Variants in STARD13 observed in about 807,000 individuals in gnomAD.
STARD13 encodes the protein stAR-related lipid transfer protein 13.
Under a neutral mutation model 106.4 loss-of-function variants are expected in STARD13, and 62 were observed. That is an observed-to-expected ratio of 0.58 (90% CI 0.48 to 0.72). The LOEUF is 0.72. STARD13 is among the 30% of genes least tolerant of loss of function. The pLI is 0.00. For missense variants in STARD13, 1,387 were observed against 1,424.0 expected, an observed-to-expected ratio of 0.97 and a Z score of 0.42; for synonymous variants, 565 against 553.0, an observed-to-expected ratio of 1.02 and a Z score of -0.31.
the STARD13 span, among the ~76,000 whole-genome samples, chr13:33,485,896 G>A: frequency 6.6e-6 from 1 of 152,130 alleles, no homozygotes; most frequent in Admixed American, 6.5e-5. Flanking sequence ...GAATTAGACT[G>A]GGCTAAAATA....
chr13:33,235,098 C>T (rs1277104085), intron 1 of STARD13, among the ~76,000 whole-genome samples: 1 of 152,144 alleles, frequency 6.6e-6, no homozygotes, highest in Non-Finnish European at 1.5e-5. Flanking sequence ...TGCTTGAGTC[C>T]CCAGTTCCCC....
intron 1 of STARD13, among the ~76,000 whole-genome samples, chr13:33,203,428 G>A (rs554974588): frequency 6.6e-6 from 1 of 152,306 alleles, no homozygotes; most frequent in Non-Finnish European, 1.5e-5. Flanking sequence ...ATGCATATAT[G>A]AAGATTAGCA....
At chr13:33,500,927 G>A in the STARD13 span, among the ~76,000 whole-genome samples, 1 of 151,356 alleles carries the variant, frequency 6.6e-6, no homozygotes, top group African/African-American at 2.4e-5. Context: ...CTCAAATAAT[G>A]CTTCAGTATG....
the STARD13 span, among the ~76,000 whole-genome samples, chr13:33,420,385 A>G: frequency 6.6e-6 from 1 of 152,236 alleles, no homozygotes; most frequent in Non-Finnish European, 1.5e-5. Context: ...TAAAAGATCA[A>G]TTCAACAAGA....
At chr13:33,501,024 A>G in the STARD13 span, among the ~76,000 whole-genome samples, 2 of 149,088 alleles carry the variant, frequency 1.3e-5, no homozygotes, top group South Asian at 2.1e-4. Context: ...AAAAAAACCT[A>G]AAAAAATAAC....
the STARD13 span, among the ~76,000 whole-genome samples, chr13:33,560,030 G>C: frequency 6.6e-6 from 1 of 151,512 alleles, no homozygotes; most frequent in Non-Finnish European, 1.5e-5. Context: ...AAGCCATCTA[G>C]TCTGTGGTAT....
At chr13:33,591,728 T>C in the STARD13 span, among the ~76,000 whole-genome samples, 4 of 152,292 alleles carry the variant, frequency 2.6e-5, no homozygotes, top group African/African-American at 9.6e-5. Flanking sequence ...GCAGCTAGGC[T>C]TTACACACGA....
chr13:33,481,160 T>C, the STARD13 span, among the ~76,000 whole-genome samples: 3 of 152,136 alleles, frequency 2.0e-5, no homozygotes, highest in African/African-American at 7.2e-5. Context: ...GCATGAATCC[T>C]TCCTTTCCAA....
chr13:33,327,391 A>G (rs1159050850), intron 1 of STARD13, among the ~76,000 whole-genome samples: 3 of 152,118 alleles, frequency 2.0e-5, no homozygotes, highest in African/African-American at 7.2e-5. Flanking sequence ...AAATTTTTAG[A>G]GACAGGGACT....
At chr13:33,558,088 G>T in the STARD13 span, among the ~76,000 whole-genome samples, 11 of 152,138 alleles carry the variant, frequency 7.2e-5, no homozygotes, top group Non-Finnish European at 1.3e-4. Flanking sequence ...TTGTAATAAA[G>T]GTGGAAATAC....
chr13:33,401,417 C>T, the STARD13 span, among the ~76,000 whole-genome samples: 1 of 152,158 alleles, frequency 6.6e-6, no homozygotes, highest in Non-Finnish European at 1.5e-5. Flanking sequence ...AAAATTGGGG[C>T]AGAGAGCCAA....
chr13:33,320,790 G>A (rs1212938575), intron 1 of STARD13, among the ~76,000 whole-genome samples: 4 of 152,122 alleles, frequency 2.6e-5, no homozygotes, highest in African/African-American at 9.7e-5. Flanking sequence ...GGGCAACACA[G>A]GGAGACCCCA....
At chr13:33,655,782 T>A in the STARD13 span, among the ~76,000 whole-genome samples, 1 of 152,194 alleles carries the variant, frequency 6.6e-6, no homozygotes, top group Non-Finnish European at 1.5e-5. Flanking sequence ...AAGTTTTATA[T>A]GAGCACAGGA....
the STARD13 span, among the ~76,000 whole-genome samples, chr13:33,577,656 T>A: frequency 1.3e-4 from 20 of 152,246 alleles, no homozygotes; most frequent in East Asian, 3.9e-3. Context: ...ATGCTGGACA[T>A]CTGCATGCAA....
rs752428531 is a variant in STARD13 at position 33,130,219 on chromosome 13, C to T, written c.458G>A (p.Trp153Ter). 1.1e-5 allele frequency: 17 copies of T among 1,610,850 alleles called. No individual in the cohort carries two copies. The highest frequency in any genetic ancestry group is 1.4e-5 in the Non-Finnish European group (17 of 1,179,932). ...KWTFQRTSRR[W>*]SRVDDLYTLL... ...CGTGTAGAGGTCGTCCACACGAGAC[C>T]ACCTGCGACTGGTTCTTTGGAAAGT... Residue 153 changes from tryptophan to a stop codon, truncating the protein, a stop_gained, in exon 5 of 14, where the codon TGG (tryptophan) becomes TAG (stop). Coordinates refer to ENST00000336934, the MANE Select transcript of STARD13 (RefSeq NM_178006.4). LOFTEE classifies it high-confidence loss of function. This position sits in a 1 kb window ranked among gnomAD's most constrained non-coding sequence, Gnocchi z 4.1.
intron 1 of STARD13, among the ~76,000 whole-genome samples, chr13:33,221,069 C>T (rs1391736304): frequency 6.6e-6 from 1 of 151,982 alleles, no homozygotes; most frequent in African/African-American, 2.4e-5. Flanking sequence ...TGAAAACACT[C>T]GTCATCAACT....
chr13:33,111,704 G>T, intron 10 of STARD13, 74 bp downstream of exon 10: 1 of 883,230 alleles, frequency 1.1e-6, no homozygotes, highest in Non-Finnish European at 1.9e-6. Flanking sequence ...AACCATAAAT[G>T]TAGCAACAAT....
the STARD13 span, among the ~76,000 whole-genome samples, chr13:33,616,718 C>G: frequency 6.6e-6 from 1 of 152,160 alleles, no homozygotes; most frequent in African/African-American, 2.4e-5. Context: ...ATAGATATAG[C>G]CTCTGCCTTT....
the STARD13 span, among the ~76,000 whole-genome samples, chr13:33,570,667 A>AAATTG: frequency 8.3e-6 from 1 of 120,882 alleles, no homozygotes; most frequent in African/African-American, 3.0e-5. Context: ...GTTAGTCCAC[A>AAATTG]GACAGTTTGC....
Sources: allele counts gnomAD v4.1 joint callset (sites outside exome capture counted in the v4.1 genomes callset), GRCh38; gene constraint gnomAD v4.1.1; non-coding constraint Gnocchi (gnomAD v3.1); transcripts MANE v1.5; gene names NCBI Gene and HGNC (gene_info 2026-07-23, HGNC 2026-07-21).